Variants in ARHGEF18 observed in about 807,000 individuals in gnomAD.
ARHGEF18 encodes the protein rho guanine nucleotide exchange factor 18.
Under a neutral mutation model 155.7 loss-of-function variants are expected in ARHGEF18, and 93 were observed. That is an observed-to-expected ratio of 0.60 (90% confidence interval 0.50 to 0.71). The LOEUF (loss-of-function observed/expected upper bound fraction) is 0.71. Ranked by LOEUF, ARHGEF18 falls within the 30% of genes least tolerant of loss-of-function variation. ARHGEF18 has a pLI of 0.00. For synonymous variants in ARHGEF18, 742 were observed against 753.1 expected, an observed-to-expected ratio of 0.99 and a Z score of 0.24; for missense variants, 1,593 against 1,816.1, an observed-to-expected ratio of 0.88 and a Z score of 2.23.
At chr19:7,426,503 GA>G (rs990448848) in intron 10 of ARHGEF18, among the ~76,000 whole-genome samples, 3 of 125,422 alleles carry the variant, frequency 2.4e-5, no homozygotes, top group African/African-American at 2.8e-5. Context: ...AAAAAAAAAA[GA>G]AAAAAAGCAC....
chr19:7,372,423 A>G (rs1232277278), intron 2 of ARHGEF18, among the ~76,000 whole-genome samples: 2 of 152,040 alleles, frequency 1.3e-5, no homozygotes, highest in Non-Finnish European at 2.9e-5. Flanking sequence ...AGTGAAGGAC[A>G]AAAGAAGGGA....
At chr19:7,421,753 C>G (rs895042361) in intron 10 of ARHGEF18, among the ~76,000 whole-genome samples, 2 of 152,104 alleles carry the variant, frequency 1.3e-5, no homozygotes, top group Non-Finnish European at 2.9e-5. Flanking sequence ...CAGAGTGACA[C>G]TCCGCCTCAA....
At chr19:7,401,564 T>C (rs1160710572) in intron 10 of ARHGEF18, among the ~76,000 whole-genome samples, 2 of 152,224 alleles carry the variant, frequency 1.3e-5, no homozygotes, top group East Asian at 3.9e-4. Context: ...GCTGGGATTA[T>C]AGGCATGAGC....
rs1426099284 is a variant in ARHGEF18 at position 7,463,034 on chromosome 19, A to T, written c.2635+700A>T. Among the ~76,000 whole-genome samples, 1 of 151,842 alleles carries T rather than the reference A, an allele frequency of 6.6e-6. No individual in the cohort carries two copies. The highest frequency in any genetic ancestry group is 1.5e-5 in the Non-Finnish European group (1 of 67,982). ...TTTTTCGTAGAGATGGGGTTTCACC[A>T]TGTTGGCCAGGCTGGTCTCGAACTC... On this transcript the variant is annotated intron_variant, in intron 21 of 28. Transcript: ENST00000668164. This position sits in a 1 kb window ranked among gnomAD's most constrained non-coding sequence, Gnocchi z 5.2.
At position 7,412,040 on chromosome 19, in the gene ARHGEF18, TC is replaced by T. The variant is rs1464849900; in HGVS notation, c.968-28303del. Among the ~76,000 whole-genome samples, 533 of 147,240 alleles carry T rather than the reference TC, an allele frequency of 3.6e-3. 3 individuals carry two copies. The highest frequency in any genetic ancestry group is 0.017 in the South Asian group (77 of 4,622). On this transcript the variant is annotated intron_variant, in intron 10 of 28. Transcript: ENST00000668164. ...GTTTTGTGTTTTTTTGTTTGGTTTT[TC>T]TTTTTTTTTTTTGAGATGGAGTCTC...
At chr19:7,448,053 G>C in intron 15 of ARHGEF18, among the ~76,000 whole-genome samples, 1 of 152,244 alleles carries the variant, frequency 6.6e-6, no homozygotes, top group South Asian at 2.1e-4. Context: ...ACCAGGCCAC[G>C]GTGGCCCCTG....
At position 7,444,110 on chromosome 19, in the gene ARHGEF18, C is replaced by T. The variant is rs1354471154; in HGVS notation, c.1361-94C>T. ...GTCTTAGGCAGAGAACTCTCAGAAG[C>T]CAGTTCAGCACGTGAAGGGCAGGCA... On this transcript the variant is annotated intron_variant, in intron 13 of 28. Coordinates refer to ENST00000668164, the MANE Select transcript of ARHGEF18 (RefSeq NM_001367823.1). This position sits in a 1 kb window ranked among gnomAD's most constrained non-coding sequence, Gnocchi z 4.7. The T allele has an allele frequency of 6.6e-7, 1 of 1,507,278 alleles. No individual in the cohort carries two copies. Among genetic ancestry groups the T allele is most frequent in the African/African-American group, 1.4e-5 (1 of 72,356 alleles). 93.4% of individuals were successfully genotyped at this position (1,507,278 alleles called of 1,614,324 possible).
intron 1 of ARHGEF18, among the ~76,000 whole-genome samples, chr19:7,352,755 G>C (rs369021670): frequency 6.7e-6 from 1 of 148,364 alleles, no homozygotes; most frequent in South Asian, 2.1e-4. Flanking sequence ...GGATGGTCTC[G>C]ATCTCCTGAC....
At chr19:7,431,191 T>C (rs1044871811) in intron 10 of ARHGEF18, among the ~76,000 whole-genome samples, 1 of 151,928 alleles carries the variant, frequency 6.6e-6, no homozygotes, top group Non-Finnish European at 1.5e-5. Context: ...GTACCTACTT[T>C]TGAGTCATTG....
At position 7,382,803 on chromosome 19, in the gene ARHGEF18, G is replaced by A. The variant is rs1970809826; in HGVS notation, c.734G>A (p.Gly245Asp). 4.9e-6 allele frequency: 6 copies of A among 1,232,410 alleles called. No individual in the cohort carries two copies. Among genetic ancestry groups the A allele is most frequent in the Non-Finnish European group, 6.1e-6 (6 of 988,108 alleles). 76.3% of individuals were successfully genotyped at this position (1,232,410 alleles called of 1,614,324 possible). The change falls in exon 9 of 29, where the codon GGT (glycine) becomes GAT (aspartate). Residue 245 changes from glycine to aspartate, a missense_variant. Gly to Asp is a moderately conservative substitution (Grantham distance 94). Coordinates refer to ENST00000668164, the MANE Select transcript of ARHGEF18 (RefSeq NM_001367823.1). ...CTCTCGTCCCTCAGGAGCGAGGACG[G>A]TGCTGGCAAGAACGAGAAGAGTGAC... ...WFEFLSESED[G>D]AGKNEKSDKS...
At chr19:7,414,494 G>C (rs1427013035) in intron 10 of ARHGEF18, among the ~76,000 whole-genome samples, 1 of 151,974 alleles carries the variant, frequency 6.6e-6, no homozygotes, top group Non-Finnish European at 1.5e-5. Flanking sequence ...TAGCCAACAT[G>C]GTGAACCCCA....
chr19:7,422,236 G>A lies in ARHGEF18; in HGVS notation c.968-18108G>A, dbSNP rs575448952. Among the ~76,000 whole-genome samples the A allele has an allele frequency of 2.2e-4, 34 of 152,120 alleles. No homozygotes were observed. The South Asian group carries it at 2.5e-3, about 11-fold the overall frequency. On this transcript the variant is annotated intron_variant, in intron 10 of 28. Coordinates refer to ENST00000668164, the MANE Select transcript of ARHGEF18 (RefSeq NM_001367823.1). ...AAAACCTTCCCCTGGCTCCTATTCTGGAAGAGTGTCGTAGGGCAGCATGTA... is the reference window on the plus strand; with the variant it reads ...AAAACCTTCCCCTGGCTCCTATTCTAGAAGAGTGTCGTAGGGCAGCATGTA...
At chr19:7,442,152 TC>T (rs1974696605) in intron 13 of ARHGEF18, 100 bp downstream of exon 13, 22 of 523,258 alleles carry the variant, frequency 4.2e-5, no homozygotes, top group Non-Finnish European at 5.9e-5. Flanking sequence ...CTTCCTTCCT[TC>T]CTTCCTTCCT....
intron 11 of ARHGEF18, 60 bp from the exon 12 acceptor site, chr19:7,441,593 T>G: frequency 7.5e-7 from 1 of 1,327,604 alleles, no homozygotes; most frequent in Middle Eastern, 1.8e-4. Context: ...CTTTGTTGCA[T>G]GAGGTCGTGT....
In ARHGEF18 at chr19:7,462,079, C is replaced by CT; in HGVS notation, c.2453-73_2453-72insT. ...GCCAGCGGGGTTCCTCATCCTTAGG[C>CT]CAGTCCCCGGGGCTCAGATGATTCC... On this transcript the variant is annotated intron_variant, in intron 20 of 28. Transcript: ENST00000668164. This position sits in a 1 kb window ranked among gnomAD's most constrained non-coding sequence, Gnocchi z 4.4. The CT allele has an allele frequency of 6.3e-7, 1 of 1,592,246 alleles. No homozygotes were observed. Among genetic ancestry groups the CT allele is most frequent in the South Asian group, 1.1e-5 (1 of 89,754 alleles).
chr19:7,458,152 C>T (rs1279577677), intron 18 of ARHGEF18, among the ~76,000 whole-genome samples: 2 of 151,380 alleles, frequency 1.3e-5, no homozygotes, highest in Non-Finnish European at 2.9e-5. Flanking sequence ...CTGGGCCTGG[C>T]GGCACGTGCC....
At chr19:7,443,557 C>G (rs1397034552) in intron 13 of ARHGEF18, among the ~76,000 whole-genome samples, 1 of 152,192 alleles carries the variant, frequency 6.6e-6, no homozygotes, top group East Asian at 1.9e-4. Flanking sequence ...CCCCTTAGGA[C>G]CTCATCACCT....
intron 10 of ARHGEF18, among the ~76,000 whole-genome samples, chr19:7,421,170 G>T (rs1021384585): frequency 6.6e-6 from 1 of 151,894 alleles, no homozygotes; most frequent in Non-Finnish European, 1.5e-5. Context: ...GGGCTCAAGC[G>T]ATCTGCCCAC....
chr19:7,405,337 G>A (rs551091901), intron 10 of ARHGEF18, among the ~76,000 whole-genome samples: 21 of 152,320 alleles, frequency 1.4e-4, no homozygotes, highest in Admixed American at 1.3e-3. Context: ...CCGTGGTCAC[G>A]TGGCCTTCAC....
Sources: gnomAD v4.1 joint callset for allele counts (sites outside exome capture counted in the v4.1 genomes callset) on GRCh38, gnomAD v4.1.1 for gene constraint, Gnocchi (gnomAD v3.1) non-coding constraint, MANE v1.5 for transcripts, NCBI Gene and HGNC (gene_info 2026-07-23, HGNC 2026-07-21) for gene names.